Variants in SLC4A8 observed in about 807,000 individuals in gnomAD.
The protein encoded by SLC4A8 is solute carrier family 4 member 8.
Under a neutral mutation model 125.0 loss-of-function variants are expected in SLC4A8, and 40 were observed. That is an observed-to-expected ratio of 0.32 (90% CI 0.25 to 0.42). The LOEUF is 0.42. Ranked by LOEUF, SLC4A8 falls within the 10% of genes least tolerant of loss-of-function variation. The pLI, the probability that SLC4A8 is intolerant of heterozygous loss-of-function variation, is 1.00. For synonymous variants in SLC4A8, 456 were observed against 476.0 expected, an observed-to-expected ratio of 0.96 and a Z score of 0.55; for missense variants, 863 against 1,355.1, an observed-to-expected ratio of 0.64 and a Z score of 5.70.
chr12:51,500,748 G>A (rs75236108), intron 22 of SLC4A8, among the ~76,000 whole-genome samples: 2 of 151,064 alleles, frequency 1.3e-5, no homozygotes, highest in Admixed American at 6.6e-5. Context: ...GTGCAGTGGC[G>A]CTATCTCGGC....
At chr12:51,455,408 G>A (rs924032403) in intron 5 of SLC4A8, among the ~76,000 whole-genome samples, 1 of 152,066 alleles carries the variant, frequency 6.6e-6, no homozygotes, top group Non-Finnish European at 1.5e-5. Flanking sequence ...ATTAGAGAAA[G>A]GGGCAACTGG....
At chr12:51,500,777 C>T (rs1177472541) in intron 22 of SLC4A8, among the ~76,000 whole-genome samples, 1 of 151,618 alleles carries the variant, frequency 6.6e-6, no homozygotes, top group Non-Finnish European at 1.5e-5. Flanking sequence ...AGCTCCGCCT[C>T]CCGGGTTCAC....
At chr12:51,424,069 A>AC (rs1421110341), upstream of SLC4A8, among the ~76,000 whole-genome samples, 2,883 of 130,048 alleles carry the variant, frequency 0.022, 138 homozygotes, top group African/African-American at 0.068. Context: ...AAAACAACAA[A>AC]AAAAAAACAA....
intron 1 of SLC4A8, among the ~76,000 whole-genome samples, chr12:51,429,401 C>T (rs999383741): frequency 6.6e-6 from 1 of 152,100 alleles, no homozygotes; most frequent in South Asian, 2.1e-4. Flanking sequence ...GAAGAGACTG[C>T]AATGAGGGAG....
intron 1 of SLC4A8, among the ~76,000 whole-genome samples, chr12:51,429,427 A>G (rs1949112819): frequency 6.6e-6 from 1 of 152,212 alleles, no homozygotes; most frequent in Non-Finnish European, 1.5e-5. Flanking sequence ...CTAGGAGGCC[A>G]TTGGTATAAT....
At position 51,485,785 on chromosome 12, in the gene SLC4A8, A is replaced by T; in HGVS notation, c.2173-2A>T. 6.3e-7 allele frequency: 1 copy of T among 1,575,166 alleles called. No homozygotes were observed. The highest frequency in any genetic ancestry group is 8.7e-7 in the Non-Finnish European group (1 of 1,144,734). On this transcript the variant is annotated splice_acceptor_variant, in intron 16 of 24. Transcript: ENST00000453097. LOFTEE classifies it high-confidence loss of function. Reference sequence around the variant, plus strand: ...CATGTGTCCACTTCTTTCTCATGCCAGGTACGCTCCATGGTGAGTGACTTT... The same window carrying T: ...CATGTGTCCACTTCTTTCTCATGCCTGGTACGCTCCATGGTGAGTGACTTT...
At chr12:51,454,151 G>C (rs552015256) in intron 5 of SLC4A8, among the ~76,000 whole-genome samples, 1 of 152,104 alleles carries the variant, frequency 6.6e-6, no homozygotes, top group African/African-American at 2.4e-5. Flanking sequence ...ACAAAAATTA[G>C]CCAGGCATGG....
intron 1 of SLC4A8, chr12:51,407,694 A>G (rs1948515255): frequency 6.6e-6 from 1 of 152,340 alleles, no homozygotes. Flanking sequence ...AATTGCCTGC[A>G]TAAACTCTTG....
intron 1 of SLC4A8, among the ~76,000 whole-genome samples, chr12:51,408,775 G>A (rs1160523717): frequency 6.6e-6 from 1 of 152,170 alleles, no homozygotes; most frequent in African/African-American, 2.4e-5. Flanking sequence ...TGTCAAGGGA[G>A]CCATTGCTGG....
In SLC4A8 at chr12:51,508,262, A is replaced by G. The variant is rs1938249964; in HGVS notation, c.*824A>G. On this transcript the variant is annotated 3_prime_UTR_variant, in exon 25 of 25. Transcript: ENST00000453097. ...AGTAAGAGATTGAGTTTAGATTGCA[A>G]CAGAAGGAATTAGTTTAGATACCAG... 2 of 152,292 alleles carry G rather than the reference A, an allele frequency of 1.3e-5. No individual in the cohort carries two copies. Among genetic ancestry groups the G allele is most frequent in the Non-Finnish European group, 2.9e-5 (2 of 68,030 alleles). The allele number at this position is 152,292 out of a possible 1,614,324, so 9.4% of individuals were successfully genotyped here.
At position 51,452,141 on chromosome 12, in the gene SLC4A8, G is replaced by A; in HGVS notation, c.295G>A (p.Val99Ile). 6.2e-7 allele frequency: 1 copy of A among 1,614,174 alleles called. No homozygotes were observed. ...ALAHDTPSQR[V>I]QFILGTEEDE... ...TTTCCTAGACACACCATCTCAGCGT[G>A]TTCAGTTCATTCTTGGCACCGAGGA... is the stretch of plus-strand genomic sequence containing the variant. The change falls in exon 4 of 25, where the codon GTT (valine) becomes ATT (isoleucine). Residue 99 changes from valine (V) to isoleucine (I), a missense_variant. Transcript: ENST00000453097.
At chr12:51,409,207 T>C (rs540902216) in intron 1 of SLC4A8, among the ~76,000 whole-genome samples, 12 of 152,208 alleles carry the variant, frequency 7.9e-5, no homozygotes, top group Admixed American at 7.2e-4. Context: ...TTAATAAAAT[T>C]GAGTTTTTCC....
chr12:51,438,745 C>A (rs1949497472), intron 1 of SLC4A8, among the ~76,000 whole-genome samples: 1 of 152,168 alleles, frequency 6.6e-6, no homozygotes, highest in Non-Finnish European at 1.5e-5. Context: ...TTCCCACCAA[C>A]AGTGTATAAG....
rs551479517 is a variant in SLC4A8, at chr12:51,513,614, C to T, written c.*6176C>T. On this transcript the variant is annotated 3_prime_UTR_variant, in exon 25 of 25. Coordinates refer to ENST00000453097, the MANE Select transcript of SLC4A8 (RefSeq NM_001039960.3). ...GGACTATAGGCGCGCACCACCATGC[C>T]CAGCTAATTTTTGTATTTTTAGTAG... The T allele has an allele frequency of 6.6e-6, 1 of 152,346 alleles. No homozygotes were observed. The highest frequency in any genetic ancestry group is 2.1e-4 in the South Asian group (1 of 4,820). 9.4% of individuals were successfully genotyped at this position (152,346 alleles called of 1,614,324 possible). A position where few individuals can be genotyped will look rare whatever the true frequency, so the allele number is the denominator to read the frequency against.
intron 16 of SLC4A8, among the ~76,000 whole-genome samples, chr12:51,481,474 C>T (rs535261537): frequency 3.9e-5 from 6 of 152,214 alleles, no homozygotes; most frequent in Admixed American, 1.3e-4. Flanking sequence ...CAAGTGCTGA[C>T]GAAGCTATCA....
chr12:51,475,008 G>A, intron 15 of SLC4A8, 37 bp from the exon 16 acceptor site: 1 of 1,595,464 alleles, frequency 6.3e-7, no homozygotes, highest in Non-Finnish European at 8.6e-7. Flanking sequence ...ATTTGGTTGT[G>A]TCTGCCTTTC....
rs754343196 is a variant in SLC4A8, at chr12:51,474,546, C to T, written c.2010+99C>T. On this transcript the variant is annotated intron_variant, in intron 15 of 24. Coordinates refer to ENST00000453097, the MANE Select transcript of SLC4A8 (RefSeq NM_001039960.3). The stretch of plus-strand genomic sequence containing the variant: ...GAGTAGCCCTTTGGCCAAACTCTGG[C>T]ATTTACCGAAATAAAGCTTTTTAAA... 1.2e-5 allele frequency: 18 copies of T among 1,485,524 alleles called. 1 individual carries two copies. In the Admixed American group the frequency reaches 2.9e-4, roughly 24 times the overall value. 92.0% of individuals were successfully genotyped at this position (1,485,524 alleles called of 1,614,324 possible).
intron 1 of SLC4A8, among the ~76,000 whole-genome samples, chr12:51,416,152 A>C (rs561236296): frequency 4.8e-5 from 7 of 146,974 alleles, no homozygotes; most frequent in Non-Finnish European, 8.9e-5. Flanking sequence ...TTAGGACTAG[A>C]GCTGTCCTAA....
At chr12:51,441,189 CA>C (rs1182401021) in intron 2 of SLC4A8, 1 of 983,778 alleles carries the variant, frequency 1.0e-6, no homozygotes, top group African/African-American at 1.7e-5. Context: ...ATTTTGGCTA[CA>C]AAACCCTATT....
Sources: gnomAD v4.1 joint callset for allele counts (sites outside exome capture counted in the v4.1 genomes callset) on GRCh38, gnomAD v4.1.1 for gene constraint, MANE v1.5 for transcripts, NCBI Gene and HGNC (gene_info 2026-07-23, HGNC 2026-07-21) for gene names.